ANKRD45: variants seen among roughly 807,000 people sequenced by gnomAD.
ANKRD45 encodes ankyrin repeat domain 45.
ANKRD45 carries 21 observed loss-of-function variants against 28.1 expected under a neutral mutation model. That is an observed-to-expected ratio of 0.75 (90% CI 0.53 to 1.08). The LOEUF (loss-of-function observed/expected upper bound fraction) is 1.08, where lower values mean the gene tolerates loss of function less well. Ranked by LOEUF, ANKRD45 falls within the 50% of genes least tolerant of loss-of-function variation. The probability of loss-of-function intolerance (pLI) is 0.00; values close to 1 mark genes in which losing one functional copy is unlikely to be tolerated. For synonymous variants in ANKRD45, 86 were observed against 103.9 expected, an observed-to-expected ratio of 0.83 and a Z score of 1.05; for missense variants, 261 against 308.7, an observed-to-expected ratio of 0.85 and a Z score of 1.16.
chr1:173,613,570 C>A (rs532834417), intron 5 of ANKRD45, among the ~76,000 whole-genome samples: 11 of 148,780 alleles, frequency 7.4e-5, no homozygotes, highest in Admixed American at 2.0e-4. Flanking sequence ...CAGCCCCCCC[C>A]CCGGCCAGCC....
At chr1:173,612,706 TCA>T (rs1372835702) in intron 5 of ANKRD45, 1 of 158,102 alleles carries the variant, frequency 6.3e-6, no homozygotes, top group African/African-American at 2.4e-5. Flanking sequence ...TTCTTCTGCC[TCA>T]GCCTGCCGAG....
chr1:173,687,738 G>A, the ANKRD45 span, among the ~76,000 whole-genome samples: 1 of 152,040 alleles, frequency 6.6e-6, no homozygotes, highest in South Asian at 2.1e-4. Flanking sequence ...AGTGCAAACA[G>A]CTCGCACATT....
chr1:173,655,121 C>T (rs972576036), intron 2 of ANKRD45, among the ~76,000 whole-genome samples: 3 of 152,162 alleles, frequency 2.0e-5, no homozygotes, highest in South Asian at 2.1e-4. Context: ...AGTCATTCTC[C>T]GTCCAGCTTT....
chr1:173,690,055 G>GGCCCCC, the ANKRD45 span, among the ~76,000 whole-genome samples: 1 of 46,214 alleles, frequency 2.2e-5, no homozygotes. Flanking sequence ...GCCAATGCCT[G>GGCCCCC]CCCCCCGCCC....
At chr1:173,657,322 G>A (rs770292962) in intron 2 of ANKRD45, 1 of 325,346 alleles carries the variant, frequency 3.1e-6, no homozygotes, top group South Asian at 2.3e-5. Context: ...ACGAAAATTA[G>A]CCAGGCATGT....
intron 5 of ANKRD45, among the ~76,000 whole-genome samples, chr1:173,615,020 G>C (rs1473349474): frequency 6.6e-6 from 1 of 151,900 alleles, no homozygotes; most frequent in East Asian, 1.9e-4. Flanking sequence ...GGTTTCACCA[G>C]GTTGGCCAGG....
intron 3 of ANKRD45, 39 bp downstream of exon 3, chr1:173,646,807 A>C (rs748397003): frequency 4.4e-6 from 7 of 1,592,272 alleles, no homozygotes; most frequent in Non-Finnish European, 6.0e-6. Context: ...AAAACTCATC[A>C]CATCAGTCAG....
At chr1:173,683,298 C>G in the ANKRD45 span, among the ~76,000 whole-genome samples, 39 of 152,182 alleles carry the variant, frequency 2.6e-4, no homozygotes, top group East Asian at 4.6e-3. Flanking sequence ...CTCTACCATC[C>G]TAACAGCAGG....
chr1:173,668,299 C>T (rs577883293), intron 1 of ANKRD45, among the ~76,000 whole-genome samples: 1 of 152,268 alleles, frequency 6.6e-6, no homozygotes, highest in East Asian at 1.9e-4. Flanking sequence ...GGAGGGAGGG[C>T]TGTGGTGCAA....
At chr1:173,689,051 C>A in the ANKRD45 span, among the ~76,000 whole-genome samples, 3 of 152,164 alleles carry the variant, frequency 2.0e-5, no homozygotes, top group Non-Finnish European at 4.4e-5. Context: ...TTATCAAGGG[C>A]TCCTGCTGGG....
intron 5 of ANKRD45, among the ~76,000 whole-genome samples, chr1:173,622,703 C>G (rs1667756811): frequency 6.6e-6 from 1 of 152,008 alleles, no homozygotes; most frequent in Non-Finnish European, 1.5e-5. Context: ...CTATAAAAAC[C>G]CTAGAAGAAA....
At chr1:173,616,828 C>A (rs1032400009) in intron 5 of ANKRD45, among the ~76,000 whole-genome samples, 1 of 152,120 alleles carries the variant, frequency 6.6e-6, no homozygotes, top group African/African-American at 2.4e-5. Flanking sequence ...ATGAAATATC[C>A]AGGTTCTTCC....
chr1:173,656,911 T>G (rs1669544534), intron 2 of ANKRD45, among the ~76,000 whole-genome samples: 2 of 150,922 alleles, frequency 1.3e-5, no homozygotes, highest in South Asian at 4.2e-4. Context: ...ACGAGCCAGA[T>G]GCAGTGGCTC....
chr1:173,632,621 C>G (rs375285459), intron 3 of ANKRD45, among the ~76,000 whole-genome samples: 1 of 151,406 alleles, frequency 6.6e-6, no homozygotes, highest in Non-Finnish European at 1.5e-5. Flanking sequence ...TGCTATCAAA[C>G]TGAATTCAAC....
chr1:173,681,698 GA>G, the ANKRD45 span, among the ~76,000 whole-genome samples: 1 of 152,220 alleles, frequency 6.6e-6, no homozygotes, highest in African/African-American at 2.4e-5. Context: ...AAATCAAATA[GA>G]AAAATTTACA....
intron 3 of ANKRD45, among the ~76,000 whole-genome samples, chr1:173,640,757 G>A (rs548212172): frequency 6.6e-6 from 1 of 152,064 alleles, no homozygotes; most frequent in African/African-American, 2.4e-5. Context: ...AGTTGTGATC[G>A]CCTGCAGCTG....
chr1:173,635,680 C>G (rs1445201732), intron 3 of ANKRD45: 11 of 1,535,574 alleles, frequency 7.2e-6, no homozygotes, highest in Non-Finnish European at 9.6e-6. Flanking sequence ...CTCCATCTCA[C>G]TGCCTGCCTT....
At chr1:173,694,313 G>T in the ANKRD45 span, among the ~76,000 whole-genome samples, 6 of 152,092 alleles carry the variant, frequency 3.9e-5, 1 homozygote, top group South Asian at 1.2e-3. Flanking sequence ...ACAGGTGCAT[G>T]CCACGGACAC....
intron 3 of ANKRD45, among the ~76,000 whole-genome samples, chr1:173,634,256 A>G (rs1668317301): frequency 6.6e-6 from 1 of 152,076 alleles, no homozygotes; most frequent in Non-Finnish European, 1.5e-5. Context: ...ATCCAGAGAA[A>G]TGCAAATCAA....
Sources: allele counts gnomAD v4.1 joint callset (sites outside exome capture counted in the v4.1 genomes callset), GRCh38; gene constraint gnomAD v4.1.1; transcripts MANE v1.5; gene names NCBI Gene and HGNC (gene_info 2026-07-23, HGNC 2026-07-21).